Variants in LBX1 observed in about 807,000 individuals in gnomAD.
LBX1 encodes the protein ladybird homeobox 1.
In LBX1, 6 loss-of-function variants were observed where a neutral mutation model predicts 19.9. The ratio of observed to expected loss-of-function variants is 0.30; its 90% CI spans 0.17 to 0.60. The LOEUF is 0.60. Ranked by LOEUF, LBX1 falls within the 20% of genes least tolerant of loss-of-function variation. LBX1 has a pLI of 0.87. For missense variants in LBX1, 344 were observed against 393.7 expected (o/e 0.87, Z 1.07); for synonymous variants, 190 against 189.3 (o/e 1.00, Z -0.03).
Position 101,228,805 on chromosome 10 carries a change from T to G in LBX1, c.11A>C (p.Lys4Thr). The G allele has an allele frequency of 6.3e-7, 1 of 1,582,584 alleles. No homozygotes were observed. The part of the protein sequence containing the change: MTS[K>T]EDGKAAPGEE... ...CCCCGGCGCCGCCTTGCCGTCCTCC[T>G]TGGAAGTCATCTCGGCCTTGTTCGG... Residue 4 changes from lysine (K) to threonine (T), a missense_variant, in exon 1 of 2, where the codon AAG (lysine) becomes ACG (threonine). Lys to Thr is a moderately conservative substitution (Grantham distance 78, BLOSUM62 -1). Transcript: ENST00000370193.
chr10:101,228,750 G>A lies in LBX1; in HGVS notation c.66C>T (p.His22=), dbSNP rs1564696277. ...TGTTGGAGTTGGCAGGCGGAGGCAGGTGGTCCAGCGGGCTGCGCCGCCGCT... is the reference window on the plus strand; with the variant it reads ...TGTTGGAGTTGGCAGGCGGAGGCAGATGGTCCAGCGGGCTGCGCCGCCGCT... ...GEERRRSPLD[H]LPPPANSNKP... The change falls in exon 1 of 2, where the codon CAC becomes CAT. Residue 22 remains histidine (H), a synonymous_variant. Transcript: ENST00000370193. 6.2e-7 allele frequency: 1 copy of A among 1,603,784 alleles called. No homozygotes were observed. The highest frequency in any genetic ancestry group is 8.5e-7 in the Non-Finnish European group (1 of 1,176,934).
In LBX1 at chr10:101,227,783, G is replaced by A; in HGVS notation, c.333C>T (p.Asp111=). The A allele has an allele frequency of 3.8e-6, 6 of 1,576,946 alleles. No homozygotes were observed. The highest frequency in any genetic ancestry group is 1.7e-4 in the Middle Eastern group (1 of 5,860). The change falls in exon 2 of 2, where the codon GAC becomes GAT. Residue 111 remains aspartate, a synonymous_variant. Coordinates refer to ENST00000370193, the MANE Select transcript of LBX1 (RefSeq NM_006562.5). ...GCCGCTGCCCAAAGATGGTCATACC[G>A]TCGCGGCCTGGGAGGAAAGGACAGT... The part of the protein sequence containing the change: ...VSVLQAAEGR[D]GMTIFGQRQT...
Position 101,227,245 on chromosome 10 carries a change from G to A in LBX1, c.*25C>T. The A allele has an allele frequency of 6.3e-7, 1 of 1,593,298 alleles. No individual in the cohort carries two copies. The highest frequency in any genetic ancestry group is 8.5e-7 in the Non-Finnish European group (1 of 1,172,868). On this transcript the variant is annotated 3_prime_UTR_variant, in exon 2 of 2. Transcript: ENST00000370193. ...GGGCTTTCGAGCGCTAGGAGCCCAG[G>A]GCGGCGGAAGACCCGGGGCGCCGCT...
Position 101,227,181 on chromosome 10 carries a change from G to C in LBX1, c.*89C>G. ...GGAGGAGGCGGGAGTTGGCAGAGGAGGTCCCAGCTCCCCTCGGCGGTCCGG... is the reference window on the plus strand; with the variant it reads ...GGAGGAGGCGGGAGTTGGCAGAGGACGTCCCAGCTCCCCTCGGCGGTCCGG... On this transcript the variant is annotated 3_prime_UTR_variant, in exon 2 of 2. Coordinates refer to ENST00000370193, the MANE Select transcript of LBX1 (RefSeq NM_006562.5). The C allele has an allele frequency of 7.6e-7, 1 of 1,312,756 alleles. No individual in the cohort carries two copies. Among genetic ancestry groups the C allele is most frequent in the South Asian group, 1.4e-5 (1 of 71,078 alleles). The allele number at this position is 1,312,756 out of a possible 1,614,324, so 81.3% of individuals were successfully genotyped here. A position where few individuals can be genotyped will look rare whatever the true frequency, so the allele number is the denominator to read the frequency against.
Position 101,227,079 on chromosome 10 carries a change from C to T in LBX1, c.*191G>A, listed in dbSNP as rs1015015505. 2.1e-5 allele frequency: 11 copies of T among 527,104 alleles called. No individual in the cohort carries two copies. Among genetic ancestry groups the T allele is most frequent in the African/African-American group, 6.1e-5 (3 of 49,374 alleles). 32.7% of individuals were successfully genotyped at this position (527,104 alleles called of 1,614,324 possible). ...CGGAGGCCGCTGGTGGCGGCCGGCC[C>T]GGCCGGCCAGCCTGGGTTTATTGCT... On this transcript the variant is annotated 3_prime_UTR_variant, in exon 2 of 2. Transcript: ENST00000370193.
Position 101,227,111 on chromosome 10 carries a change from G to T in LBX1, c.*159C>A. The stretch of plus-strand genomic sequence containing the variant: ...CCAGCCTGGGTTTATTGCTTCGAGA[G>T]GGAAGAGGCGGCTGCCAGGAGCCGA... On this transcript the variant is annotated 3_prime_UTR_variant, in exon 2 of 2. Coordinates refer to ENST00000370193, the MANE Select transcript of LBX1 (RefSeq NM_006562.5). 1.4e-6 allele frequency: 1 copy of T among 694,882 alleles called. No individual in the cohort carries two copies. Among genetic ancestry groups the T allele is most frequent in the East Asian group, 2.9e-5 (1 of 34,224 alleles). 43.0% of individuals were successfully genotyped at this position (694,882 alleles called of 1,614,324 possible). A position where few individuals can be genotyped will look rare whatever the true frequency, so the allele number is the denominator to read the frequency against.
intron 1 of LBX1, 50 bp downstream of exon 1, chr10:101,228,441 G>T: frequency 6.9e-7 from 1 of 1,439,180 alleles, no homozygotes; most frequent in Non-Finnish European, 9.4e-7. Context: ...AGCGCGCAGG[G>T]CACAGGGCGC....
In LBX1 at chr10:101,229,217, G is replaced by T. The variant is rs1272459004; in HGVS notation, c.-402C>A. The T allele has an allele frequency of 1.3e-5, 2 of 153,032 alleles. No individual in the cohort carries two copies. The highest frequency in any genetic ancestry group is 2.9e-5 in the Non-Finnish European group (2 of 68,588). The allele number at this position is 153,032 out of a possible 1,614,324, so 9.5% of individuals were successfully genotyped here. A position where few individuals can be genotyped will look rare whatever the true frequency, so the allele number is the denominator to read the frequency against. On this transcript the variant is annotated 5_prime_UTR_variant, in exon 1 of 2. Transcript: ENST00000370193. This position sits in a 1 kb window ranked among gnomAD's most constrained non-coding sequence, Gnocchi z 6.4. ...GCCGATCCCGGACTGCGAGGGAGGC[G>T]GAGAGACGGGGCAATTGACTATTGC...
chr10:101,227,687 G>A lies in LBX1; in HGVS notation c.429C>T (p.Arg143=). 1 of 1,613,992 alleles carries A rather than the reference G, an allele frequency of 6.2e-7. No homozygotes were observed. ...TNHQIYELEK[R]FLYQKYLSPA... is the part of the protein sequence containing the mutation. ...GGGACAGGTACTTCTGGTATAGAAA[G>A]CGCTTTTCCAATTCATAGATCTGGT... The change falls in exon 2 of 2, where the codon CGC becomes CGT. Residue 143 remains arginine, a synonymous_variant. Coordinates refer to ENST00000370193, the MANE Select transcript of LBX1 (RefSeq NM_006562.5).
chr10:101,227,169 G>T lies in LBX1; in HGVS notation c.*101C>A. On this transcript the variant is annotated 3_prime_UTR_variant, in exon 2 of 2. Coordinates refer to ENST00000370193, the MANE Select transcript of LBX1 (RefSeq NM_006562.5). ...GCCGGGGACAGGGGAGGAGGCGGGAGTTGGCAGAGGAGGTCCCAGCTCCCC... is the reference window on the plus strand; with the variant it reads ...GCCGGGGACAGGGGAGGAGGCGGGATTTGGCAGAGGAGGTCCCAGCTCCCC... 8.5e-7 allele frequency: 1 copy of T among 1,171,722 alleles called. No homozygotes were observed. The highest frequency in any genetic ancestry group is 1.2e-6 in the Non-Finnish European group (1 of 848,422). 72.6% of individuals were successfully genotyped at this position (1,171,722 alleles called of 1,614,324 possible). A position where few individuals can be genotyped will look rare whatever the true frequency, so the allele number is the denominator to read the frequency against.
rs1941052084 is a variant in LBX1 at position 101,227,117 on chromosome 10, A to G, written c.*153T>C. 1 of 713,140 alleles carries G rather than the reference A, an allele frequency of 1.4e-6. No homozygotes were observed. The highest frequency in any genetic ancestry group is 2.2e-6 in the Non-Finnish European group (1 of 445,078). 44.2% of individuals were successfully genotyped at this position (713,140 alleles called of 1,614,324 possible). A position where few individuals can be genotyped will look rare whatever the true frequency, so the allele number is the denominator to read the frequency against. On this transcript the variant is annotated 3_prime_UTR_variant, in exon 2 of 2. Coordinates refer to ENST00000370193, the MANE Select transcript of LBX1 (RefSeq NM_006562.5). ...TGGGTTTATTGCTTCGAGAGGGAAGAGGCGGCTGCCAGGAGCCGAGTCCGG... is the reference window on the plus strand; with the variant it reads ...TGGGTTTATTGCTTCGAGAGGGAAGGGGCGGCTGCCAGGAGCCGAGTCCGG...
At position 101,228,937 on chromosome 10, in the gene LBX1, A is replaced by AGGGCGCGGGCC. The variant is rs1444786500; in HGVS notation, c.-133_-123dup. The AGGGCGCGGGCC allele has an allele frequency of 6.1e-6, 3 of 490,432 alleles. No homozygotes were observed. Among genetic ancestry groups the AGGGCGCGGGCC allele is most frequent in the Non-Finnish European group, 8.7e-6 (3 of 344,410 alleles). The allele number at this position is 490,432 out of a possible 1,614,324, so 30.4% of individuals were successfully genotyped here. ...GGGTGGAAAGGAGGCCGCACTGGGC[A>AGGGCGCGGGCC]GGGCGCGGGCCGGGCGCGGGGCCGA... On this transcript the variant is annotated 5_prime_UTR_variant, in exon 1 of 2. Transcript: ENST00000370193.
At chr10:101,228,286 C>T (rs952085962) in intron 1 of LBX1, among the ~76,000 whole-genome samples, 1 of 152,192 alleles carries the variant, frequency 6.6e-6, no homozygotes, top group Admixed American at 6.5e-5. Context: ...TCTCCTGCCA[C>T]CCCCCAGCTC....
chr10:101,228,345 A>G (rs1320465036), intron 1 of LBX1, 146 bp downstream of exon 1: 5 of 613,278 alleles, frequency 8.2e-6, no homozygotes. Context: ...CCCGTCCCAC[A>G]TATCTTCACT....
chr10:101,227,483 G>C lies in LBX1; in HGVS notation c.633C>G (p.Leu211=), dbSNP rs1424854774. 2 of 1,608,512 alleles carry C rather than the reference G, an allele frequency of 1.2e-6. No individual in the cohort carries two copies. The highest frequency in any genetic ancestry group is 2.7e-5 in the African/African-American group (2 of 74,836). ...GQMDIVALAE[L]EQNSEATAGG... ...CGGCTGTGGCCTCCGAGTTCTGCTCGAGTTCGGCCAGCGCCACGATGTCCA... is the reference window on the plus strand; with the variant it reads ...CGGCTGTGGCCTCCGAGTTCTGCTCCAGTTCGGCCAGCGCCACGATGTCCA... The change falls in exon 2 of 2, where the codon CTC becomes CTG. Residue 211 remains leucine, a synonymous_variant. Transcript: ENST00000370193.
intron 1 of LBX1, 152 bp from the exon 2 acceptor site, chr10:101,227,942 C>T (rs964104221): frequency 5.4e-6 from 4 of 736,558 alleles, no homozygotes; most frequent in Non-Finnish European, 8.4e-6. Flanking sequence ...AGGACCAGGG[C>T]AAGTCTTGGC....
At position 101,227,233 on chromosome 10, in the gene LBX1, C is replaced by A. The variant is rs891435466; in HGVS notation, c.*37G>T. The A allele has an allele frequency of 1.9e-6, 3 of 1,581,712 alleles. No homozygotes were observed. The highest frequency in any genetic ancestry group is 1.7e-6 in the Non-Finnish European group (2 of 1,167,690). ...CCGGGAGGCGTTGGGCTTTCGAGCG[C>A]TAGGAGCCCAGGGCGGCGGAAGACC... On this transcript the variant is annotated 3_prime_UTR_variant, in exon 2 of 2. Transcript: ENST00000370193.
Position 101,228,759 on chromosome 10 carries a change from C to A in LBX1, c.57G>T (p.Pro19=). 6.3e-7 allele frequency: 1 copy of A among 1,599,362 alleles called. No homozygotes were observed. Among genetic ancestry groups the A allele is most frequent in the Non-Finnish European group, 8.5e-7 (1 of 1,175,428 alleles). ...AAPGEERRRS[P]LDHLPPPANS... is the part of the protein sequence containing the mutation. ...TGGCAGGCGGAGGCAGGTGGTCCAG[C>A]GGGCTGCGCCGCCGCTCCTCCCCCG... The change falls in exon 1 of 2, where the codon CCG becomes CCT. Residue 19 remains proline, a synonymous_variant. Transcript: ENST00000370193.
chr10:101,229,044 T>C lies in LBX1; in HGVS notation c.-229A>G. ...ACGCGGGCGCCGCTGCTGCTGGGGC[T>C]TCCAGCAATCCGGGGCCGGAGCCGG... is the stretch of plus-strand genomic sequence containing the variant. On this transcript the variant is annotated 5_prime_UTR_variant, in exon 1 of 2. Transcript: ENST00000370193. The surrounding 1 kb of genome is among the most constrained non-coding windows in gnomAD (Gnocchi z 6.4). 5.7e-6 allele frequency: 1 copy of C among 174,418 alleles called. No individual in the cohort carries two copies. The highest frequency in any genetic ancestry group is 1.2e-5 in the Non-Finnish European group (1 of 83,446). 10.8% of individuals were successfully genotyped at this position (174,418 alleles called of 1,614,324 possible).
Sources: gnomAD v4.1 joint callset for allele counts (sites outside exome capture counted in the v4.1 genomes callset) on GRCh38, gnomAD v4.1.1 for gene constraint, Gnocchi (gnomAD v3.1) non-coding constraint, MANE v1.5 for transcripts, NCBI Gene and HGNC (gene_info 2026-07-23, HGNC 2026-07-21) for gene names.